SORL1: variants seen among roughly 807,000 people sequenced by gnomAD.
SORL1 encodes the protein sortilin-related receptor.
In SORL1, 127 loss-of-function variants were observed where a neutral mutation model predicts 273.7. That is an observed-to-expected ratio of 0.46 (90% CI 0.40 to 0.54). SORL1 has a LOEUF of 0.54. Ranked by LOEUF, SORL1 falls within the 20% of genes least tolerant of loss-of-function variation. The pLI is 0.00. For missense variants in SORL1, 2,494 were observed against 2,846.1 expected (o/e 0.88, Z 2.81); for synonymous variants, 1,031 against 1,067.4 (o/e 0.97, Z 0.66).
chr11:121,520,223 A>G (rs1236522372), intron 8 of SORL1, among the ~76,000 whole-genome samples: 1 of 152,228 alleles, frequency 6.6e-6, no homozygotes, highest in Non-Finnish European at 1.5e-5. Context: ...TGATTGCACC[A>G]CTGCACTCCT....
intron 11 of SORL1, among the ~76,000 whole-genome samples, chr11:121,525,904 T>G (rs1208166149): frequency 6.6e-6 from 1 of 152,146 alleles, no homozygotes; most frequent in African/African-American, 2.4e-5. Flanking sequence ...GGTGCATGCC[T>G]GTAGTCCTAG....
intron 32 of SORL1, among the ~76,000 whole-genome samples, chr11:121,602,915 C>T (rs1038830898): frequency 6.6e-6 from 1 of 152,184 alleles, no homozygotes; most frequent in Non-Finnish European, 1.5e-5. Flanking sequence ...GGGCAGGGTG[C>T]GGGGAGCAGA....
At chr11:121,565,802 A>G (rs563705164) in intron 21 of SORL1, among the ~76,000 whole-genome samples, 16 of 152,318 alleles carry the variant, frequency 1.1e-4, no homozygotes, top group South Asian at 2.1e-4. Context: ...CACTTTTGCC[A>G]TCCTCGTTCA....
intron 11 of SORL1, among the ~76,000 whole-genome samples, chr11:121,530,348 CTT>C (rs35098337): frequency 0.11 from 17,163 of 152,174 alleles, 1,227 homozygotes; most frequent in African/African-American, 0.2. Context: ...TGTGAATTCT[CTT>C]GTTTTTCCCT....
In SORL1 at chr11:121,496,953, A is replaced by G. The variant is rs138308257; in HGVS notation, c.843A>G (p.Thr281=). The G allele has an allele frequency of 5.6e-6, 9 of 1,613,972 alleles. No homozygotes were observed. The African/African-American group carries it at 1.1e-4, about 19-fold the overall frequency. Residue 281 remains threonine (T), a synonymous_variant, in exon 6 of 48, where the codon ACA becomes ACG. Transcript: ENST00000260197. ...PSGYSTVFRS[T]DFFQSRENQE... ...GCTACTCCACTGTCTTCCGAAGTACAGATTTCTTCCAGTCCCGGGAAAACC... is the reference window on the plus strand; with the variant it reads ...GCTACTCCACTGTCTTCCGAAGTACGGATTTCTTCCAGTCCCGGGAAAACC...
At chr11:121,467,704 G>A (rs1290250249) in intron 1 of SORL1, among the ~76,000 whole-genome samples, 2 of 152,178 alleles carry the variant, frequency 1.3e-5, no homozygotes, top group African/African-American at 4.8e-5. Flanking sequence ...TGGATCCAGG[G>A]GATTGGGCTG....
At chr11:121,462,169 A>G (rs1379356574) in intron 1 of SORL1, among the ~76,000 whole-genome samples, 1 of 152,086 alleles carries the variant, frequency 6.6e-6, no homozygotes. Flanking sequence ...GAAATTTTTG[A>G]TCTCAAGCAG....
chr11:121,593,639 G>A (rs1308336228), intron 31 of SORL1, among the ~76,000 whole-genome samples: 1 of 149,034 alleles, frequency 6.7e-6, no homozygotes, highest in Non-Finnish European at 1.5e-5. Flanking sequence ...TGGGTGGAGT[G>A]CATCCTTCAG....
chr11:121,530,019 T>C (rs1862179794), intron 11 of SORL1, among the ~76,000 whole-genome samples: 1 of 152,200 alleles, frequency 6.6e-6, no homozygotes, highest in African/African-American at 2.4e-5. Context: ...ATCTAATCTT[T>C]TATAGTCTTC....
At chr11:121,486,322 T>G (rs1380336351) in intron 3 of SORL1, among the ~76,000 whole-genome samples, 2 of 151,998 alleles carry the variant, frequency 1.3e-5, no homozygotes, top group Non-Finnish European at 2.9e-5. Flanking sequence ...CCCAGCCTTG[T>G]TTTCTGGTTA....
rs1203384828 is a variant in SORL1 at position 121,553,950 on chromosome 11, C to A, written c.2280C>A (p.Phe760Leu). 2 of 1,613,478 alleles carry A rather than the reference C, an allele frequency of 1.2e-6. No homozygotes were observed. The highest frequency in any genetic ancestry group is 2.7e-5 in the African/African-American group (2 of 74,928). The change falls in exon 17 of 48, where the codon TTC becomes TTA. Residue 760 changes from phenylalanine (F) to leucine (L), a missense_variant. Physicochemically the swap from Phe to Leu is conservative, Grantham distance 22. Coordinates refer to ENST00000260197, the MANE Select transcript of SORL1 (RefSeq NM_003105.6). ...TGTGTCTGGCAGAAGAGAACGAGTT[C>A]ATTCTGTATGCTGTGAGGAAATCCA... ...VPCPLAEENE[F>L]ILYAVRKSIY...
chr11:121,496,298 T>C (rs1368845008), intron 5 of SORL1, among the ~76,000 whole-genome samples: 1 of 152,070 alleles, frequency 6.6e-6, no homozygotes, highest in African/African-American at 2.4e-5. Context: ...AGGAGATCAG[T>C]ATGTTTGAGA....
rs186951448 is a variant in SORL1 at position 121,549,045 on chromosome 11, G to A, written c.2052-915G>A. 1.7e-3 allele frequency among the ~76,000 whole-genome samples: 266 copies of A among 152,242 alleles called. 2 individuals carry two copies. The highest frequency in any genetic ancestry group is 5.7e-3 in the African/African-American group (236 of 41,530). On this transcript the variant is annotated intron_variant, in intron 14 of 47. Coordinates refer to ENST00000260197, the MANE Select transcript of SORL1 (RefSeq NM_003105.6). ...AGTACAGTCACCTCGTTTTAGAATC[G>A]TCTTCGACTGAGGCCTCCTGCTTCC...
At chr11:121,496,063 G>T (rs1220725422) in intron 5 of SORL1, among the ~76,000 whole-genome samples, 1 of 152,200 alleles carries the variant, frequency 6.6e-6, no homozygotes, top group Non-Finnish European at 1.5e-5. Flanking sequence ...CATGTAAAAG[G>T]CTTGGAATTG....
intron 11 of SORL1, among the ~76,000 whole-genome samples, chr11:121,532,255 T>C (rs1426173518): frequency 6.6e-6 from 1 of 152,240 alleles, no homozygotes; most frequent in Non-Finnish European, 1.5e-5. Flanking sequence ...ATTGAGATAC[T>C]AGAACTTGCT....
At chr11:121,568,481 T>G (rs916837160) in intron 22 of SORL1, among the ~76,000 whole-genome samples, 2 of 152,216 alleles carry the variant, frequency 1.3e-5, no homozygotes, top group Non-Finnish European at 2.9e-5. Context: ...CGCATGTCCT[T>G]GATGCAGTTT....
At position 121,452,577 on chromosome 11, in the gene SORL1, C is replaced by T; in HGVS notation, c.246C>T (p.Ser82=). 1 of 1,521,116 alleles carries T rather than the reference C, an allele frequency of 6.6e-7. No homozygotes were observed. The highest frequency in any genetic ancestry group is 8.8e-7 in the Non-Finnish European group (1 of 1,142,074). 94.2% of individuals were successfully genotyped at this position (1,521,116 alleles called of 1,614,324 possible). Residue 82 remains serine, a synonymous_variant, in exon 1 of 48, where the codon AGC becomes AGT. Coordinates refer to ENST00000260197, the MANE Select transcript of SORL1 (RefSeq NM_003105.6). This position sits in a 1 kb window ranked among gnomAD's most constrained non-coding sequence, Gnocchi z 5.3. ...ADEKPLRRKR[S]AALQPEPIKV... is the part of the protein sequence containing the mutation. ...AGAAGCCGCTCCGGAGGAAACGGAG[C>T]GCTGCCCTGCAGCCCGAGCCCATCA...
intron 13 of SORL1, among the ~76,000 whole-genome samples, chr11:121,544,140 A>G (rs770121716): frequency 6.6e-6 from 1 of 152,090 alleles, no homozygotes; most frequent in Non-Finnish European, 1.5e-5. Flanking sequence ...GTGATCTGCT[A>G]ATCTAGATAC....
intron 6 of SORL1, 146 bp downstream of exon 6, chr11:121,497,195 A>AACATTGACT (rs1861645397): frequency 2.8e-6 from 2 of 702,626 alleles, no homozygotes; most frequent in African/African-American, 3.6e-5. Flanking sequence ...CAACATTGAC[A>AACATTGACT]ACATTGACGA....
Sources: allele counts gnomAD v4.1 joint callset (sites outside exome capture counted in the v4.1 genomes callset), GRCh38; gene constraint gnomAD v4.1.1; non-coding constraint Gnocchi (gnomAD v3.1); transcripts MANE v1.5; gene names NCBI Gene and HGNC (gene_info 2026-07-23, HGNC 2026-07-21).